OSBPL6: variants seen among roughly 807,000 people sequenced by gnomAD.
OSBPL6 encodes oxysterol-binding protein-related protein 6.
A neutral mutation model predicts 125.8 loss-of-function variants in OSBPL6; 49 were observed. The ratio of observed to expected loss-of-function variants is 0.39; its 90% CI spans 0.31 to 0.49. The LOEUF (loss-of-function observed/expected upper bound fraction) is 0.49. OSBPL6 is among the 20% of genes least tolerant of loss of function. OSBPL6 has a pLI of 0.88. For synonymous variants in OSBPL6, 394 were observed against 391.8 expected (o/e 1.01, Z -0.07); for missense variants, 986 against 1,135.4 (o/e 0.87, Z 1.89).
At position 178,397,574 on chromosome 2, in the gene OSBPL6, G is replaced by T. The variant is rs1013484259; in HGVS notation, c.*2015G>T. The T allele has an allele frequency of 6.6e-6, 1 of 152,134 alleles. No homozygotes were observed. Among genetic ancestry groups the T allele is most frequent in the African/African-American group, 2.4e-5 (1 of 41,406 alleles). The allele number at this position is 152,134 out of a possible 1,614,324, so 9.4% of individuals were successfully genotyped here. A position where few individuals can be genotyped will look rare whatever the true frequency, so the allele number is the denominator to read the frequency against. On this transcript the variant is annotated 3_prime_UTR_variant, in exon 25 of 25. Coordinates refer to ENST00000190611, the MANE Select transcript of OSBPL6 (RefSeq NM_032523.4). Reference sequence around the variant, plus strand: ...AAAGCTTTAAATACTATTTAAAGTGGTTCTGGTCTGTACTTACTAGCACTT... The same window carrying T: ...AAAGCTTTAAATACTATTTAAAGTGTTTCTGGTCTGTACTTACTAGCACTT...
At chr2:178,301,646 C>T (rs755189499) in intron 2 of OSBPL6, among the ~76,000 whole-genome samples, 22 of 152,272 alleles carry the variant, frequency 1.4e-4, no homozygotes, top group African/African-American at 2.6e-4. Flanking sequence ...TCTACTGCCT[C>T]GCCTACTGGG....
rs994198807 is a variant in OSBPL6, at chr2:178,351,335, G to A, written c.1153+1946G>A. On this transcript the variant is annotated intron_variant, in intron 12 of 24. Transcript: ENST00000190611. ...ATTTGCAAATGACATGATCCTATGT[G>A]TAGAAAACCCAAAAGATGCCACCAA... 3.9e-5 allele frequency among the ~76,000 whole-genome samples: 6 copies of A among 152,054 alleles called. No homozygotes were observed. The East Asian group carries it at 1.2e-3, about 29-fold the overall frequency.
At position 178,332,628 on chromosome 2, in the gene OSBPL6, C is replaced by G. The variant is rs774463016; in HGVS notation, c.373-13C>G. 1.3e-6 allele frequency: 2 copies of G among 1,578,232 alleles called. No homozygotes were observed. The highest frequency in any genetic ancestry group is 2.2e-5 in the East Asian group (1 of 44,720). On this transcript the variant is annotated splice_polypyrimidine_tract_variant and intron_variant, in intron 6 of 24. Transcript: ENST00000190611. ...ATATCCTTTCAGCCTATTTACTAGT[C>G]TTTTGATTTCAGATTCAGAAAGGAA...
chr2:178,328,827 T>C (rs1688934142), intron 5 of OSBPL6, among the ~76,000 whole-genome samples: 1 of 152,080 alleles, frequency 6.6e-6, no homozygotes, highest in African/African-American at 2.4e-5. Context: ...ACCACATGGG[T>C]TGTAGTCTAT....
chr2:178,247,060 A>G (rs913343111), intron 1 of OSBPL6, among the ~76,000 whole-genome samples: 3 of 139,688 alleles, frequency 2.1e-5, no homozygotes, highest in Non-Finnish European at 4.5e-5. Context: ...CATTTCCCAA[A>G]TGCCTTAAGC....
chr2:178,376,030 G>A lies in OSBPL6; in HGVS notation c.1533+2003G>A, dbSNP rs149457872. Among the ~76,000 whole-genome samples, 704 of 152,256 alleles carry A rather than the reference G, an allele frequency of 4.6e-3. 3 individuals carry two copies. The highest frequency in any genetic ancestry group is 0.017 in the African/African-American group (687 of 41,530). ...AGAAGGTGGAGGGCAGGGTCGCAGG[G>A]AGATGAGACATTCACTGTGAGGCAT... is the stretch of plus-strand genomic sequence containing the variant. On this transcript the variant is annotated intron_variant, in intron 15 of 24. Transcript: ENST00000190611.
Position 178,199,991 on chromosome 2 carries a change from A to T in OSBPL6, c.-351+5317A>T, listed in dbSNP as rs192450016. ...TATTTCTCTGTGTAAGAAATATTTT[A>T]AAAAAGTTCTTCGAGAATAATGCCT... On this transcript the variant is annotated intron_variant, in intron 1 of 24. Transcript: ENST00000190611. 2.2e-3 allele frequency among the ~76,000 whole-genome samples: 336 copies of T among 152,324 alleles called. 1 individual carries two copies. The highest frequency in any genetic ancestry group is 4.3e-3 in the African/African-American group (180 of 41,572).
intron 1 of OSBPL6, among the ~76,000 whole-genome samples, chr2:178,195,460 C>T (rs529859969): frequency 6.6e-6 from 1 of 152,336 alleles, no homozygotes; most frequent in Non-Finnish European, 1.5e-5. Flanking sequence ...GAGGAGAAAG[C>T]CTGGAGAAGT....
At position 178,223,895 on chromosome 2, in the gene OSBPL6, T is replaced by C. The variant is rs181302333; in HGVS notation, c.-351+29221T>C. On this transcript the variant is annotated intron_variant, in intron 1 of 24. Transcript: ENST00000190611. ...TGGCTGATTGCACAGAGACTTTGCC[T>C]TTAACTGTCACAGGGTTGGCTAGTG... is the stretch of plus-strand genomic sequence containing the variant. 3.1e-3 allele frequency among the ~76,000 whole-genome samples: 468 copies of C among 152,344 alleles called. 4 individuals are homozygous for C. The highest frequency in any genetic ancestry group is 0.01 in the African/African-American group (435 of 41,576).
At chr2:178,255,222 T>G (rs986651786) in intron 1 of OSBPL6, among the ~76,000 whole-genome samples, 5 of 152,214 alleles carry the variant, frequency 3.3e-5, no homozygotes, top group African/African-American at 1.2e-4. Context: ...GAGAATTGCT[T>G]GAACCTGGGA....
chr2:178,321,777 C>G (rs983302685), intron 3 of OSBPL6, among the ~76,000 whole-genome samples: 10 of 152,146 alleles, frequency 6.6e-5, no homozygotes, highest in East Asian at 5.8e-4. Context: ...CATTTACTTG[C>G]TATGTCTCAC....
At chr2:178,359,792 A>G (rs1357159310) in intron 12 of OSBPL6, among the ~76,000 whole-genome samples, 2 of 152,238 alleles carry the variant, frequency 1.3e-5, no homozygotes, top group African/African-American at 4.8e-5. Context: ...TGCTAAGTGA[A>G]ATAAGCCAGA....
At chr2:178,348,490 C>G (rs1690936726) in intron 11 of OSBPL6, among the ~76,000 whole-genome samples, 1 of 152,122 alleles carries the variant, frequency 6.6e-6, no homozygotes, top group African/African-American at 2.4e-5. Context: ...TAGTCCATAT[C>G]CAGCCTGGGC....
chr2:178,398,852 G>A lies in OSBPL6; in HGVS notation c.*3293G>A, dbSNP rs1263536474. 6.6e-6 allele frequency: 1 copy of A among 152,156 alleles called. No homozygotes were observed. Among genetic ancestry groups the A allele is most frequent in the Non-Finnish European group, 1.5e-5 (1 of 68,036 alleles). 9.4% of individuals were successfully genotyped at this position (152,156 alleles called of 1,614,324 possible). ...CAGTGGCTTGGGGGCTGGATTTAGG[G>A]AGGAAAACCTGATTAAACTGTTTTG... On this transcript the variant is annotated 3_prime_UTR_variant, in exon 25 of 25. Transcript: ENST00000190611.
intron 11 of OSBPL6, among the ~76,000 whole-genome samples, chr2:178,346,076 G>T (rs1288366913): frequency 2.0e-5 from 3 of 152,124 alleles, no homozygotes; most frequent in African/African-American, 7.2e-5. Flanking sequence ...GCTACTCCAG[G>T]ATCTATAGCT....
chr2:178,333,791 A>G (rs970491505), intron 8 of OSBPL6, among the ~76,000 whole-genome samples: 6 of 152,234 alleles, frequency 3.9e-5, no homozygotes, highest in Non-Finnish European at 7.3e-5. Flanking sequence ...TGAAGTAATT[A>G]CATGTGAGCT....
chr2:178,332,620 T>G (rs770927188), intron 6 of OSBPL6, 21 bp from the exon 7 acceptor site: 26 of 1,522,054 alleles, frequency 1.7e-5, no homozygotes, highest in Non-Finnish European at 2.4e-5. Flanking sequence ...TTCAGCCTAT[T>G]TACTAGTCTT....
At position 178,254,392 on chromosome 2, in the gene OSBPL6, CA is replaced by C. The variant is rs397754204; in HGVS notation, c.-350-30521del. On this transcript the variant is annotated intron_variant, in intron 1 of 24. Transcript: ENST00000190611. ...TGGGTGACAGTCTGAGATTCTGTCTCAAAAAAAAAAAAAAGAAAGAAAGAAA... is the reference window on the plus strand; with the variant it reads ...TGGGTGACAGTCTGAGATTCTGTCTCAAAAAAAAAAAAAGAAAGAAAGAAA... Among the ~76,000 whole-genome samples, 493 of 121,562 alleles carry C rather than the reference CA, an allele frequency of 4.1e-3. 4 individuals carry two copies. The highest frequency in any genetic ancestry group is 0.013 in the Middle Eastern group (3 of 236). 79.7% of individuals were successfully genotyped at this position (121,562 alleles called of 152,430 possible). A position where few individuals can be genotyped will look rare whatever the true frequency, so the allele number is the denominator to read the frequency against.
chr2:178,211,594 C>A (rs978559562), intron 1 of OSBPL6, among the ~76,000 whole-genome samples: 2 of 152,160 alleles, frequency 1.3e-5, no homozygotes, highest in African/African-American at 2.4e-5. Context: ...GGATGCCTTA[C>A]CCTCCTCTGT....
Sources: allele counts gnomAD v4.1 joint callset (sites outside exome capture counted in the v4.1 genomes callset), GRCh38; gene constraint gnomAD v4.1.1; transcripts MANE v1.5; gene names NCBI Gene and HGNC (gene_info 2026-07-23, HGNC 2026-07-21).